ANOS1: variants seen among roughly 807,000 people sequenced by gnomAD.
ANOS1 encodes anosmin 1, also known as anosmin-1.
In ANOS1, 6 loss-of-function variants were observed where a neutral mutation model predicts 59.0. That is an observed-to-expected ratio of 0.10 (90% CI 0.06 to 0.20). The LOEUF (loss-of-function observed/expected upper bound fraction) is 0.20. ANOS1 is among the 10% of genes least tolerant of loss of function. The pLI is 1.00. For synonymous variants in ANOS1, 217 were observed against 223.4 expected (o/e 0.97, Z 0.25); for missense variants, 433 against 542.3 (o/e 0.80, Z 2.00).
intron 2 of ANOS1, among the ~76,000 whole-genome samples, chrX:8,650,650 G>A (rs1056882446): frequency 8.1e-5 from 9 of 111,605 alleles, no homozygotes; most frequent in African/African-American, 2.0e-4. Flanking sequence ...CCCGGGAGAC[G>A]GTGGTGGCAG....
intron 2 of ANOS1, among the ~76,000 whole-genome samples, chrX:8,628,913 T>C (rs1931440707): frequency 8.9e-6 from 1 of 111,942 alleles, no homozygotes; most frequent in Admixed American, 9.5e-5. Flanking sequence ...ACTATTTGTC[T>C]AGTGGAGCCT....
chrX:8,530,397 T>C lies in ANOS1; in HGVS notation c.*2598A>G, dbSNP rs1050336230. Reference sequence around the variant, plus strand: ...AACTATGTTTGTTAAAAAGCATAGATTTTATTCTTTATTAGAGCAATCACA... The same window carrying C: ...AACTATGTTTGTTAAAAAGCATAGACTTTATTCTTTATTAGAGCAATCACA... On this transcript the variant is annotated 3_prime_UTR_variant, in exon 14 of 14. Coordinates refer to ENST00000262648, the MANE Select transcript of ANOS1 (RefSeq NM_000216.4). 1.8e-5 allele frequency: 2 copies of C among 111,843 alleles called. No individual in the cohort carries two copies. The highest frequency in any genetic ancestry group is 6.5e-5 in the African/African-American group (2 of 30,873). The allele number at this position is 111,843 out of a possible 1,213,427, so 9.2% of individuals were successfully genotyped here.
chrX:8,552,666 A>G lies in ANOS1; in HGVS notation c.1354+1286T>C, dbSNP rs187059335. Among the ~76,000 whole-genome samples, 1,001 of 111,600 alleles carry G rather than the reference A, an allele frequency of 9.0e-3. 32 individuals carry two copies. Among genetic ancestry groups the G allele is most frequent in the Admixed American group, 0.079 (823 of 10,408 alleles). ...TGGTGGTTACTCTTGTATGCTTGAG[A>G]TATTTACTTTTTCAATAGTAGATGT... On this transcript the variant is annotated intron_variant, in intron 9 of 13. Coordinates refer to ENST00000262648, the MANE Select transcript of ANOS1 (RefSeq NM_000216.4).
intron 6 of ANOS1, among the ~76,000 whole-genome samples, chrX:8,583,641 T>C (rs959217501): frequency 4.5e-5 from 5 of 112,110 alleles, no homozygotes; most frequent in Non-Finnish European, 9.4e-5. Context: ...TTCCATGAAT[T>C]CTGTACAGAC....
Position 8,668,394 on chromosome X carries a change from CATATATATATATATATATATAT to C in ANOS1, c.255+31282_255+31303del, listed in dbSNP as rs202229567. ...TTTTTATGGCTGAATAGTATTCCAT[CATATATATATATATATATATAT>C]ATATATATATATATACACACACATA... On this transcript the variant is annotated intron_variant, in intron 2 of 13. Transcript: ENST00000262648. Among the ~76,000 whole-genome samples the C allele has an allele frequency of 3.3e-4, 17 of 51,570 alleles. 1 individual carries two copies. Among genetic ancestry groups the C allele is most frequent in the South Asian group, 1.7e-3 (1 of 586 alleles). 44.8% of individuals were successfully genotyped at this position (51,570 alleles called of 115,157 possible). A position where few individuals can be genotyped will look rare whatever the true frequency, so the allele number is the denominator to read the frequency against.
chrX:8,576,436 G>A (rs1024796734), intron 6 of ANOS1, among the ~76,000 whole-genome samples: 4 of 107,932 alleles, frequency 3.7e-5, no homozygotes, highest in Non-Finnish European at 7.6e-5. Context: ...AATGTAGTTG[G>A]AGATTTCCAT....
At chrX:8,567,208 A>T (rs1005603750) in intron 8 of ANOS1, among the ~76,000 whole-genome samples, 2 of 112,185 alleles carry the variant, frequency 1.8e-5, no homozygotes, top group Non-Finnish European at 3.8e-5. Context: ...TGTTTTGCTC[A>T]GTTCCCAGCA....
intron 9 of ANOS1, among the ~76,000 whole-genome samples, chrX:8,551,660 G>A (rs1282683542): frequency 9.1e-6 from 1 of 110,084 alleles, no homozygotes; most frequent in Non-Finnish European, 1.9e-5. Context: ...GGATCAGAGT[G>A]GAAGAAAATA....
At chrX:8,564,537 G>A (rs774006615) in intron 8 of ANOS1, among the ~76,000 whole-genome samples, 2 of 111,574 alleles carry the variant, frequency 1.8e-5, no homozygotes, top group African/African-American at 3.3e-5. Context: ...ATATGCCAGG[G>A]ATTATGACGG....
At position 8,569,345 on chromosome X, in the gene ANOS1, C is replaced by T. The variant is rs184189664; in HGVS notation, c.1063-969G>A. 8.4e-3 allele frequency among the ~76,000 whole-genome samples: 944 copies of T among 112,283 alleles called. 16 individuals carry two copies. The highest frequency in any genetic ancestry group is 0.029 in the African/African-American group (891 of 30,860). ...AAAAAATGGAACTGTCATAAAATTT[C>T]ATAAAAATAAAGTGGGGCTGGGCGT... On this transcript the variant is annotated intron_variant, in intron 7 of 13. Coordinates refer to ENST00000262648, the MANE Select transcript of ANOS1 (RefSeq NM_000216.4).
Position 8,587,867 on chromosome X carries a change from A to G in ANOS1, c.653T>C (p.Val218Ala), listed in dbSNP as rs1389416121. Reference protein sequence around the residue: ...FNISIEPVIYVVQRRWNYGIH... With the variant: ...FNISIEPVIYAVQRRWNYGIH... ...TCCATAATTCCATCTTCTTTGTACC[A>G]CATAGATCACAGGCTCAATAGAAAT... The change falls in exon 5 of 14, where the codon GTG (valine) becomes GCG (alanine). Residue 218 changes from valine (V) to alanine (A), a missense_variant. Coordinates refer to ENST00000262648, the MANE Select transcript of ANOS1 (RefSeq NM_000216.4). 8.3e-7 allele frequency: 1 copy of G among 1,206,282 alleles called. No individual in the cohort carries two copies. Among genetic ancestry groups the G allele is most frequent in the Admixed American group, 2.2e-5 (1 of 45,760 alleles).
intron 4 of ANOS1, among the ~76,000 whole-genome samples, chrX:8,590,329 G>A (rs745887370): frequency 6.1e-4 from 67 of 109,597 alleles, no homozygotes; most frequent in South Asian, 2.3e-3. Flanking sequence ...TAATACCATG[G>A]CCTGTTTATG....
chrX:8,693,235 G>A (rs946585311), intron 2 of ANOS1, among the ~76,000 whole-genome samples: 3 of 112,054 alleles, frequency 2.7e-5, no homozygotes, highest in African/African-American at 9.7e-5. Context: ...TCAGGTTCCT[G>A]AAGCGCACAA....
chrX:8,678,273 G>A (rs1024820095), intron 2 of ANOS1, among the ~76,000 whole-genome samples: 2 of 112,007 alleles, frequency 1.8e-5, no homozygotes, highest in Non-Finnish European at 3.8e-5. Context: ...AATCCTATAC[G>A]TTACTTAAAG....
At chrX:8,595,780 G>A (rs1180546810) in intron 4 of ANOS1, among the ~76,000 whole-genome samples, 2 of 111,246 alleles carry the variant, frequency 1.8e-5, no homozygotes, top group Non-Finnish European at 3.8e-5. Context: ...CAGCTCCCGG[G>A]CCACTGACTG....
At chrX:8,697,290 A>C (rs1027412695) in intron 2 of ANOS1, among the ~76,000 whole-genome samples, 4 of 111,902 alleles carry the variant, frequency 3.6e-5, no homozygotes, top group African/African-American at 1.3e-4. Context: ...GGGACAGAGC[A>C]CAGGCAGTCA....
At position 8,566,497 on chromosome X, in the gene ANOS1, C is replaced by T. The variant is rs192877670; in HGVS notation, c.1207+1735G>A. Among the ~76,000 whole-genome samples the T allele has an allele frequency of 3.3e-4, 36 of 110,385 alleles. No individual in the cohort carries two copies. In the East Asian group the frequency reaches 8.5e-3, roughly 26 times the overall value. On this transcript the variant is annotated intron_variant, in intron 8 of 13. Coordinates refer to ENST00000262648, the MANE Select transcript of ANOS1 (RefSeq NM_000216.4). ...TTATGGAACATATTGCTATACAGTA[C>T]GTATATATAGTGTATATAGTGTATT...
chrX:8,652,841 A>G (rs938935321), intron 2 of ANOS1, among the ~76,000 whole-genome samples: 1 of 110,811 alleles, frequency 9.0e-6, no homozygotes, highest in African/African-American at 3.3e-5. Context: ...TACTTATTTA[A>G]TTAAATTTAT....
At chrX:8,624,011 C>CTTTTTTTTT (rs566769185) in intron 2 of ANOS1, among the ~76,000 whole-genome samples, 11 of 69,410 alleles carry the variant, frequency 1.6e-4, no homozygotes, top group African/African-American at 2.7e-4. Flanking sequence ...CTTTTCTTTT[C>CTTTTTTTTT]TTTTTTTTTT....
Sources: gnomAD v4.1 joint callset for allele counts (sites outside exome capture counted in the v4.1 genomes callset) on GRCh38, gnomAD v4.1.1 for gene constraint, MANE v1.5 for transcripts, NCBI Gene and HGNC (gene_info 2026-07-23, HGNC 2026-07-21) for gene names.